OSBPL6: variants seen among roughly 807,000 people sequenced by gnomAD.
OSBPL6 encodes oxysterol-binding protein-related protein 6.
Under a neutral mutation model 125.8 loss-of-function variants are expected in OSBPL6, and 49 were observed. That is an observed-to-expected ratio of 0.39 (90% CI 0.31 to 0.49). The LOEUF (loss-of-function observed/expected upper bound fraction) is 0.49, where lower values mean the gene tolerates loss of function less well. Ranked by LOEUF, OSBPL6 falls within the 20% of genes least tolerant of loss-of-function variation. The probability of loss-of-function intolerance (pLI) is 0.88; values close to 1 mark genes in which losing one functional copy is unlikely to be tolerated. For synonymous variants in OSBPL6, 394 were observed against 391.8 expected (o/e 1.01, Z -0.07); for missense variants, 986 against 1,135.4 (o/e 0.87, Z 1.89).
intron 21 of OSBPL6, among the ~76,000 whole-genome samples, chr2:178,390,625 C>A (rs1695323758): frequency 6.6e-6 from 1 of 152,188 alleles, no homozygotes; most frequent in Non-Finnish European, 1.5e-5. Context: ...CTTCTTATCC[C>A]TTGGGAAGGA....
chr2:178,313,533 T>A (rs1687478528), intron 3 of OSBPL6, among the ~76,000 whole-genome samples: 1 of 152,158 alleles, frequency 6.6e-6, no homozygotes. Context: ...CCAGCCCTCG[T>A]AATGACTCAA....
intron 15 of OSBPL6, among the ~76,000 whole-genome samples, chr2:178,377,366 G>T (rs1445012316): frequency 6.6e-6 from 1 of 152,140 alleles, no homozygotes; most frequent in Non-Finnish European, 1.5e-5. Flanking sequence ...AGTACCAAAG[G>T]GGATGGTGCT....
intron 1 of OSBPL6, among the ~76,000 whole-genome samples, chr2:178,241,264 C>A (rs1251853567): frequency 6.6e-6 from 1 of 151,934 alleles, no homozygotes; most frequent in Admixed American, 6.6e-5. Flanking sequence ...CAGGTGCACG[C>A]CACCACGCCC....
At chr2:178,310,510 T>G (rs1378068298) in intron 3 of OSBPL6, among the ~76,000 whole-genome samples, 2 of 141,064 alleles carry the variant, frequency 1.4e-5, no homozygotes, top group East Asian at 2.2e-4. Context: ...CTCTGCCTCC[T>G]GGGTTCACGC....
At chr2:178,268,518 A>C (rs993909975) in intron 1 of OSBPL6, among the ~76,000 whole-genome samples, 1 of 152,182 alleles carries the variant, frequency 6.6e-6, no homozygotes, top group African/African-American at 2.4e-5. Flanking sequence ...AGCATGTTGG[A>C]TGGTTCTGTC....
At chr2:178,213,505 CTGCCCTTTTTCA>C (rs1451211597) in intron 1 of OSBPL6, among the ~76,000 whole-genome samples, 1 of 152,076 alleles carries the variant, frequency 6.6e-6, no homozygotes, top group East Asian at 1.9e-4. Context: ...CCTCATCACC[CTGCCCTTTTTCA>C]TGCCTCCATC....
At chr2:178,381,786 T>C (rs1303075211) in intron 15 of OSBPL6, among the ~76,000 whole-genome samples, 1 of 152,224 alleles carries the variant, frequency 6.6e-6, no homozygotes, top group Non-Finnish European at 1.5e-5. Context: ...TTTTACTAAC[T>C]CTTAGGATTG....
At chr2:178,349,085 T>C (rs1212445250) in intron 11 of OSBPL6, 139 bp from the exon 12 acceptor site, 3 of 928,732 alleles carry the variant, frequency 3.2e-6, no homozygotes, top group Non-Finnish European at 5.1e-6. Context: ...GCCTGCAAAA[T>C]AAATGAGTAC....
chr2:178,374,727 G>T (rs1693709067), intron 15 of OSBPL6, among the ~76,000 whole-genome samples: 1 of 152,096 alleles, frequency 6.6e-6, no homozygotes, highest in African/African-American at 2.4e-5. Flanking sequence ...AATCTATACT[G>T]CATTTTTACA....
intron 1 of OSBPL6, among the ~76,000 whole-genome samples, chr2:178,248,892 C>T (rs972642256): frequency 1.3e-5 from 2 of 151,836 alleles, no homozygotes; most frequent in Admixed American, 6.6e-5. Context: ...TATTATTTCT[C>T]CTGTTCATGT....
intron 1 of OSBPL6, among the ~76,000 whole-genome samples, chr2:178,262,295 C>G (rs1006197728): frequency 6.6e-6 from 1 of 152,032 alleles, no homozygotes; most frequent in Non-Finnish European, 1.5e-5. Context: ...TGAATATCTT[C>G]AATAGTGAAG....
intron 3 of OSBPL6, among the ~76,000 whole-genome samples, chr2:178,307,157 CT>C (rs1045490124): frequency 6.6e-5 from 10 of 152,124 alleles, no homozygotes; most frequent in African/African-American, 1.7e-4. Flanking sequence ...CCCTCACCCC[CT>C]GTTTTATGTT....
At chr2:178,320,080 C>G (rs141421273) in intron 3 of OSBPL6, among the ~76,000 whole-genome samples, 1 of 152,290 alleles carries the variant, frequency 6.6e-6, no homozygotes, top group East Asian at 1.9e-4. Context: ...AAGTAAATGA[C>G]AAGATCCCTA....
chr2:178,265,764 C>T (rs888547603), intron 1 of OSBPL6, among the ~76,000 whole-genome samples: 3 of 152,134 alleles, frequency 2.0e-5, no homozygotes, highest in Non-Finnish European at 4.4e-5. Context: ...TTTTCTTTCT[C>T]TCTCGCTCCC....
Position 178,349,309 on chromosome 2 carries a change from C to T in OSBPL6, c.1073C>T (p.Pro358Leu). The change falls in exon 12 of 25, where the codon CCT (proline) becomes CTT (leucine). Residue 358 changes from proline to leucine, a missense_variant. Transcript: ENST00000190611. The stretch of plus-strand genomic sequence containing the variant: ...GCAGATATTGAATTTCAGACTCCCC[C>T]TAGCCACCTCACTGACCCTCTGGAA... ...LCADIEFQTP[P>L]SHLTDPLESS... is the part of the protein sequence containing the mutation. 1.9e-6 allele frequency: 3 copies of T among 1,614,164 alleles called. No individual in the cohort carries two copies. The highest frequency in any genetic ancestry group is 2.5e-6 in the Non-Finnish European group (3 of 1,179,992).
intron 12 of OSBPL6, among the ~76,000 whole-genome samples, chr2:178,352,388 A>G (rs1317253552): frequency 6.6e-6 from 1 of 152,148 alleles, no homozygotes; most frequent in Non-Finnish European, 1.5e-5. Flanking sequence ...CCACCCAAAT[A>G]CTGCACTTTT....
intron 1 of OSBPL6, among the ~76,000 whole-genome samples, chr2:178,279,051 G>A (rs2092525585): frequency 6.6e-6 from 1 of 152,086 alleles, no homozygotes; most frequent in African/African-American, 2.4e-5. Flanking sequence ...CTTGTTTTTG[G>A]TATGAAATAG....
chr2:178,397,326 A>C lies in OSBPL6; in HGVS notation c.*1767A>C, dbSNP rs1295229628. Reference sequence around the variant, plus strand: ...CAGGTAAATTTTCGAATCCATCACCAGATCTAAGCATTCTGCTTCAACAAT... The same window carrying C: ...CAGGTAAATTTTCGAATCCATCACCCGATCTAAGCATTCTGCTTCAACAAT... On this transcript the variant is annotated 3_prime_UTR_variant, in exon 25 of 25. Coordinates refer to ENST00000190611, the MANE Select transcript of OSBPL6 (RefSeq NM_032523.4). The C allele has an allele frequency of 6.6e-6, 1 of 152,264 alleles. No homozygotes were observed. The highest frequency in any genetic ancestry group is 1.5e-5 in the Non-Finnish European group (1 of 68,050). The allele number at this position is 152,264 out of a possible 1,614,324, so 9.4% of individuals were successfully genotyped here.
At chr2:178,360,341 A>G (rs935966986) in intron 12 of OSBPL6, among the ~76,000 whole-genome samples, 5 of 152,278 alleles carry the variant, frequency 3.3e-5, no homozygotes, top group Admixed American at 1.3e-4. Flanking sequence ...TTGCTAAATT[A>G]GTAGATTATA....
Sources: gnomAD v4.1 joint callset for allele counts (sites outside exome capture counted in the v4.1 genomes callset) on GRCh38, gnomAD v4.1.1 for gene constraint, MANE v1.5 for transcripts, NCBI Gene and HGNC (gene_info 2026-07-23, HGNC 2026-07-21) for gene names.